PRKG1: variants seen among roughly 807,000 people sequenced by gnomAD.
The protein encoded by PRKG1 is protein kinase cGMP-dependent 1.
PRKG1 carries 35 observed loss-of-function variants against 88.1 expected under a neutral mutation model. That is an observed-to-expected ratio of 0.40 (90% confidence interval 0.30 to 0.53). The LOEUF is 0.53. Ranked by LOEUF, PRKG1 falls within the 20% of genes least tolerant of loss-of-function variation. The pLI is 0.59. For synonymous variants in PRKG1, 303 were observed against 292.5 expected (o/e 1.04, Z -0.37); for missense variants, 540 against 839.8 (o/e 0.64, Z 4.41).
chr10:51,152,750 A>T (rs4115004), intron 1 of PRKG1, among the ~76,000 whole-genome samples: 5,744 of 152,050 alleles, frequency 0.038, 356 homozygotes, highest in African/African-American at 0.13. Flanking sequence ...TCTTTTATAA[A>T]TATAAACAGT....
intron 1 of PRKG1, among the ~76,000 whole-genome samples, chr10:50,993,178 T>G (rs1055409354): frequency 1.3e-5 from 2 of 152,146 alleles, no homozygotes; most frequent in African/African-American, 4.8e-5. Context: ...TTCAGAGTTA[T>G]TAGAAGAAGA....
At chr10:51,525,648 A>T (rs1445485674) in intron 3 of PRKG1, among the ~76,000 whole-genome samples, 2 of 152,160 alleles carry the variant, frequency 1.3e-5, no homozygotes, top group African/African-American at 4.8e-5. Context: ...CAGTGATCTG[A>T]GATTGCACCA....
At chr10:51,532,001 G>T (rs1842031028) in intron 3 of PRKG1, among the ~76,000 whole-genome samples, 1 of 152,032 alleles carries the variant, frequency 6.6e-6, no homozygotes, top group Non-Finnish European at 1.5e-5. Flanking sequence ...GTCCCAGTCT[G>T]CTAGAAAGAA....
chr10:51,917,609 T>C lies in PRKG1; in HGVS notation c.762+10039T>C, dbSNP rs149488878. Among the ~76,000 whole-genome samples the C allele has an allele frequency of 5.8e-4, 89 of 152,294 alleles. 1 individual carries two copies. In the East Asian group the frequency reaches 0.016, roughly 27 times the overall value. ...CCATGCAAATATCCTGATGGCAAAG[T>C]ATAGTATGAAATTTTAAGTATTAAC... On this transcript the variant is annotated intron_variant, in intron 5 of 17. Coordinates refer to ENST00000373980, the MANE Select transcript of PRKG1 (RefSeq NM_006258.4).
chr10:51,931,902 A>G (rs1025149051), intron 5 of PRKG1, among the ~76,000 whole-genome samples: 2 of 152,198 alleles, frequency 1.3e-5, no homozygotes, highest in African/African-American at 4.8e-5. Context: ...AGTCTATTAT[A>G]GAATTCTGTC....
chr10:51,487,433 T>A (rs955636677), intron 3 of PRKG1, among the ~76,000 whole-genome samples: 1 of 152,108 alleles, frequency 6.6e-6, no homozygotes, highest in Non-Finnish European at 1.5e-5. Context: ...TATAGTCAAA[T>A]AAATATTAAG....
At chr10:51,847,840 TAAAAAAAAAAA>T (rs766423513) in intron 4 of PRKG1, among the ~76,000 whole-genome samples, 38 of 35,212 alleles carry the variant, frequency 1.1e-3, no homozygotes, top group African/African-American at 3.6e-3. Flanking sequence ...AAGACTCTGT[TAAAAAAAAAAA>T]AAAAAAAAAA....
At chr10:51,625,723 TA>T (rs397846099) in intron 3 of PRKG1, among the ~76,000 whole-genome samples, 7,524 of 144,462 alleles carry the variant, frequency 0.052, 213 homozygotes, top group Middle Eastern at 0.077. Context: ...TGTTAAGATT[TA>T]AAAAAAAAAA....
chr10:51,852,473 G>A (rs1363800142), intron 4 of PRKG1, among the ~76,000 whole-genome samples: 1 of 151,894 alleles, frequency 6.6e-6, no homozygotes, highest in Non-Finnish European at 1.5e-5. Flanking sequence ...CCAAGCAATT[G>A]AGCTCTAAAA....
chr10:51,716,253 C>G (rs187126296), intron 3 of PRKG1, among the ~76,000 whole-genome samples: 194 of 152,290 alleles, frequency 1.3e-3, no homozygotes, highest in Non-Finnish European at 2.0e-3. Context: ...GGCTATCAAG[C>G]CGAAACCTGG....
At chr10:51,591,273 T>C (rs551026170) in intron 3 of PRKG1, among the ~76,000 whole-genome samples, 1 of 152,312 alleles carries the variant, frequency 6.6e-6, no homozygotes, top group African/African-American at 2.4e-5. Context: ...CTATAATCCT[T>C]TGTCAAATGT....
chr10:51,256,893 G>A (rs117918152), intron 2 of PRKG1, among the ~76,000 whole-genome samples: 5,032 of 152,032 alleles, frequency 0.033, 125 homozygotes, highest in Middle Eastern at 0.054. Flanking sequence ...AAAAATCAAT[G>A]TTTATAAAGA....
intron 3 of PRKG1, among the ~76,000 whole-genome samples, chr10:51,595,015 G>A (rs1455405226): frequency 6.6e-6 from 1 of 152,152 alleles, no homozygotes; most frequent in Non-Finnish European, 1.5e-5. Flanking sequence ...GCTCCTGGAT[G>A]TATGATAATG....
At chr10:51,301,686 C>T (rs1840891998) in intron 2 of PRKG1, among the ~76,000 whole-genome samples, 1 of 152,132 alleles carries the variant, frequency 6.6e-6, no homozygotes, top group East Asian at 1.9e-4. Flanking sequence ...CCAAGCTGGC[C>T]CAGTCAGTCT....
chr10:51,537,044 AG>A (rs758680052), intron 3 of PRKG1, among the ~76,000 whole-genome samples: 21 of 152,130 alleles, frequency 1.4e-4, no homozygotes, highest in Non-Finnish European at 2.6e-4. Flanking sequence ...TTATGGTAAA[AG>A]GTAGATGTCC....
intron 5 of PRKG1, among the ~76,000 whole-genome samples, chr10:51,960,740 T>G (rs1843427990): frequency 6.6e-6 from 1 of 152,124 alleles, no homozygotes. Context: ...GAATCACGTG[T>G]TTTATGCAGA....
At chr10:51,679,857 A>G (rs574886497) in intron 3 of PRKG1, among the ~76,000 whole-genome samples, 133 of 143,136 alleles carry the variant, frequency 9.3e-4, no homozygotes, top group Middle Eastern at 3.5e-3. Flanking sequence ...ATATCTCCCA[A>G]TGCTATCCCT....
chr10:52,132,302 A>G (rs1258537141), intron 7 of PRKG1, among the ~76,000 whole-genome samples: 1 of 152,044 alleles, frequency 6.6e-6, no homozygotes, highest in Non-Finnish European at 1.5e-5. Context: ...TTTAAAGTCT[A>G]TATGAAATAA....
chr10:51,276,525 T>C (rs999129353), intron 2 of PRKG1, among the ~76,000 whole-genome samples: 18 of 152,200 alleles, frequency 1.2e-4, no homozygotes, highest in African/African-American at 4.3e-4. Context: ...TTCTAGATCC[T>C]TGAGGAATCA....
Sources: gnomAD v4.1 joint callset for allele counts (sites outside exome capture counted in the v4.1 genomes callset) on GRCh38, gnomAD v4.1.1 for gene constraint, MANE v1.5 for transcripts, NCBI Gene and HGNC (gene_info 2026-07-23, HGNC 2026-07-21) for gene names.